The following TSNARE1 variants were observed in gnomAD, a reference collection of about 807,000 sequenced individuals.
The protein encoded by TSNARE1 is t-SNARE domain-containing protein 1.
TSNARE1 carries 49 observed loss-of-function variants against 62.0 expected under a neutral mutation model. The ratio of observed to expected loss-of-function variants is 0.79; its 90% CI spans 0.63 to 1.00. TSNARE1 has a LOEUF of 1.00. Among genes scored for constraint, TSNARE1 ranks in the 50% least tolerant of loss-of-function variants. TSNARE1 has a pLI of 0.00. For missense variants in TSNARE1, 755 were observed against 700.1 expected (o/e 1.08, Z -0.88); for synonymous variants, 328 against 294.4 (o/e 1.11, Z -1.17).
At chr8:142,277,474 G>A in intron 11 of TSNARE1, 2 of 985,440 alleles carry the variant, frequency 2.0e-6, no homozygotes, top group Non-Finnish European at 2.4e-6. Context: ...CCAAACCCCA[G>A]GCAGTGCCGC....
At chr8:142,220,892 TTC>T (rs1812040163) in intron 13 of TSNARE1, among the ~76,000 whole-genome samples, 1 of 152,176 alleles carries the variant, frequency 6.6e-6, no homozygotes, top group African/African-American at 2.4e-5. Context: ...CCACAGAAGA[TTC>T]TGTGAAATGA....
chr8:142,318,941 G>C (rs1292007469), intron 6 of TSNARE1, among the ~76,000 whole-genome samples: 1 of 151,800 alleles, frequency 6.6e-6, no homozygotes, highest in Non-Finnish European at 1.5e-5. Flanking sequence ...GCCAGGACAG[G>C]GAGAGACAGG....
At position 142,344,322 on chromosome 8, in the gene TSNARE1, G is replaced by T; in HGVS notation, c.389C>A (p.Pro130Gln). Reference sequence around the variant, plus strand: ...GGACACCAGCACCTCGGTCTCCTGCGGGCAGAAGTTGGGCTTCCTCTTCTT... The same window carrying T: ...GGACACCAGCACCTCGGTCTCCTGCTGGCAGAAGTTGGGCTTCCTCTTCTT... Reference protein sequence around the residue: ...RAKKRKPNFCPQETEVLVSKV... With the variant: ...RAKKRKPNFCQQETEVLVSKV... The change falls in exon 4 of 14, where the codon CCG (proline) becomes CAG (glutamine). Residue 130 changes from proline to glutamine, a missense_variant. Physicochemically the swap from Pro to Gln is moderately conservative, Grantham distance 76 (BLOSUM62 -1). Coordinates refer to ENST00000524325, the MANE Select transcript of TSNARE1 (RefSeq NM_145003.5). 1 of 1,588,178 alleles carries T rather than the reference G, an allele frequency of 6.3e-7. No homozygotes were observed. The highest frequency in any genetic ancestry group is 8.6e-7 in the Non-Finnish European group (1 of 1,164,290).
rs1001709256 is a variant in TSNARE1 at position 142,280,741 on chromosome 8, G to A, written c.1363+3672C>T. On this transcript the variant is annotated intron_variant, in intron 11 of 13. Coordinates refer to ENST00000524325, the MANE Select transcript of TSNARE1 (RefSeq NM_145003.5). ...ACTCAGCACATCCCAGCCCGCGACA[G>A]GTGGCCAGGGGCAGAAATGGCTACA... 6.6e-5 allele frequency among the ~76,000 whole-genome samples: 10 copies of A among 152,212 alleles called. 1 individual carries two copies. Among genetic ancestry groups the A allele is most frequent in the Admixed American group, 3.3e-4 (5 of 15,294 alleles).
intron 12 of TSNARE1, 29 bp downstream of exon 12, chr8:142,274,752 C>T (rs763692761): frequency 1.5e-5 from 22 of 1,492,074 alleles, no homozygotes; most frequent in African/African-American, 4.3e-5. Flanking sequence ...CCGGGCCGGC[C>T]GGGCACTGTG....
In TSNARE1 at chr8:142,274,863, T is replaced by A; in HGVS notation, c.1364A>T (p.Asp455Val). The A allele has an allele frequency of 6.4e-7, 1 of 1,556,912 alleles. No homozygotes were observed. ...AGCCTCAAGGCTGGCTTCAATACTA[T>A]CTGCAAATCAAGACAACAGAAGGCA... The part of the protein sequence containing the change: ...SMVSEQGEAV[D>V]SIEASLEAAS... The change falls in exon 12 of 14, where the codon GAT becomes GTT. Residue 455 changes from aspartate (D) to valine (V), a missense_variant and splice_region_variant. Coordinates refer to ENST00000524325, the MANE Select transcript of TSNARE1 (RefSeq NM_145003.5).
At chr8:142,256,295 C>T (rs1376466569) in intron 12 of TSNARE1, among the ~76,000 whole-genome samples, 2 of 93,126 alleles carry the variant, frequency 2.1e-5, no homozygotes, top group Non-Finnish European at 2.3e-5. Context: ...ATCATCACCA[C>T]ACCCACCACC....
At position 142,215,846 on chromosome 8, in the gene TSNARE1, C is replaced by A. The variant is rs558860897; in HGVS notation, c.*12-3533G>T. On this transcript the variant is annotated intron_variant, in intron 13 of 13. Coordinates refer to ENST00000524325, the MANE Select transcript of TSNARE1 (RefSeq NM_145003.5). The stretch of plus-strand genomic sequence containing the variant: ...TTCAGCATCTAGTGCAGGCCACATT[C>A]CCCTGAGCTCTGGAGGCTTGAAGGT... Among the ~76,000 whole-genome samples, 10 of 152,360 alleles carry A rather than the reference C, an allele frequency of 6.6e-5. No individual in the cohort carries two copies. The South Asian group carries it at 2.1e-3, about 32-fold the overall frequency.
intron 2 of TSNARE1, 118 bp downstream of exon 2, chr8:142,354,519 G>A: frequency 1.4e-6 from 1 of 699,850 alleles, no homozygotes; most frequent in Non-Finnish European, 2.4e-6. Flanking sequence ...CAGGACACAG[G>A]CCACTTTCCT....
intron 2 of TSNARE1, among the ~76,000 whole-genome samples, chr8:142,349,993 G>A (rs1255025608): frequency 6.8e-6 from 1 of 147,062 alleles, no homozygotes; most frequent in Non-Finnish European, 1.5e-5. Flanking sequence ...TGGGACCAGG[G>A]CAGGCAGGGC....
At chr8:142,395,061 A>C (rs1837802938) in intron 1 of TSNARE1, among the ~76,000 whole-genome samples, 1 of 152,094 alleles carries the variant, frequency 6.6e-6, no homozygotes, top group Admixed American at 6.5e-5. Flanking sequence ...CCTGTCCCCC[A>C]CCACTTCCTG....
chr8:142,382,030 G>A (rs535370545), intron 1 of TSNARE1, among the ~76,000 whole-genome samples: 6 of 152,224 alleles, frequency 3.9e-5, no homozygotes, highest in African/African-American at 1.4e-4. Context: ...CCAGATGCTC[G>A]GTGGAGGAGG....
intron 1 of TSNARE1, among the ~76,000 whole-genome samples, chr8:142,395,662 C>G (rs578001482): frequency 1.3e-5 from 2 of 152,330 alleles, no homozygotes; most frequent in Non-Finnish European, 2.9e-5. Flanking sequence ...CGCCCAGGTA[C>G]CACGAAGCAG....
chr8:142,337,201 G>A (rs78109438), intron 4 of TSNARE1, among the ~76,000 whole-genome samples: 4,222 of 152,182 alleles, frequency 0.028, 64 homozygotes, highest in East Asian at 0.067. Flanking sequence ...AAAATCAATC[G>A]ATTTACATGG....
chr8:142,273,797 T>C, intron 12 of TSNARE1: 1 of 985,390 alleles, frequency 1.0e-6, no homozygotes, highest in Non-Finnish European at 1.2e-6. Flanking sequence ...TGGTTCCAGC[T>C]GCGGCCCCCT....
At chr8:142,255,632 T>C (rs1158897851) in intron 12 of TSNARE1, among the ~76,000 whole-genome samples, 1 of 18,014 alleles carries the variant, frequency 5.6e-5, no homozygotes, top group Non-Finnish European at 1.3e-4. Flanking sequence ...ACCACCACCA[T>C]CACCACCATC....
chr8:142,314,241 C>A (rs915013577), intron 9 of TSNARE1, 143 bp downstream of exon 9: 2 of 705,202 alleles, frequency 2.8e-6, no homozygotes, highest in Middle Eastern at 4.0e-4. Context: ...AAAATGCCCA[C>A]GTTTTCAAGG....
In TSNARE1 at chr8:142,283,367, G is replaced by A. The variant is rs1246552612; in HGVS notation, c.1363+1046C>T. On this transcript the variant is annotated intron_variant, in intron 11 of 13. Transcript: ENST00000524325. ...GTGTCTGTCAATGAGCGGAGGTGGGGCCAGTGTCTGTCAATGAGCAGAGGC... is the reference window on the plus strand; with the variant it reads ...GTGTCTGTCAATGAGCGGAGGTGGGACCAGTGTCTGTCAATGAGCAGAGGC... Among the ~76,000 whole-genome samples, 415 of 146,786 alleles carry A rather than the reference G, an allele frequency of 2.8e-3. 2 individuals are homozygous for A. The highest frequency in any genetic ancestry group is 7.8e-3 in the South Asian group (32 of 4,128).
chr8:142,291,657 G>A lies in TSNARE1; in HGVS notation c.1291-7172C>T, dbSNP rs374460449. Reference sequence around the variant, plus strand: ...GGGAACAGGCAACGCCGTTGCCTCCGCGGGCTTACGCTCGAGTGGCGAGAG... The same window carrying A: ...GGGAACAGGCAACGCCGTTGCCTCCACGGGCTTACGCTCGAGTGGCGAGAG... On this transcript the variant is annotated intron_variant, in intron 10 of 13. Transcript: ENST00000524325. The surrounding 1 kb of genome is among the most constrained non-coding windows in gnomAD (Gnocchi z 4.8). 3.2e-4 allele frequency among the ~76,000 whole-genome samples: 49 copies of A among 152,278 alleles called. No homozygotes were observed. In the East Asian group the frequency reaches 5.8e-3, roughly 18 times the overall value.
Sources: allele counts gnomAD v4.1 joint callset (sites outside exome capture counted in the v4.1 genomes callset), GRCh38; gene constraint gnomAD v4.1.1; non-coding constraint Gnocchi (gnomAD v3.1); transcripts MANE v1.5; gene names NCBI Gene and HGNC (gene_info 2026-07-23, HGNC 2026-07-21).